Variants in TTC7A observed in about 807,000 individuals in gnomAD.
TTC7A encodes tetratricopeptide repeat protein 7A.
TTC7A carries 110 observed loss-of-function variants against 103.7 expected under a neutral mutation model. The observed-to-expected ratio is 1.06, with a 90% CI of 0.91 to 1.24. TTC7A has a LOEUF of 1.24. TTC7A is among the 50% of genes most tolerant of loss of function. The pLI is 0.00. For synonymous variants in TTC7A, 521 were observed against 467.9 expected, an observed-to-expected ratio of 1.11 and a Z score of -1.47; for missense variants, 1,340 against 1,116.3, an observed-to-expected ratio of 1.20 and a Z score of -2.86.
intron 2 of TTC7A, chr2:46,951,715 T>C (rs1402417487): frequency 4.4e-6 from 2 of 454,436 alleles, no homozygotes; most frequent in Admixed American, 4.7e-5. Flanking sequence ...CCAGCTGATT[T>C]TTAAAGAGCT....
At chr2:47,020,304 G>A (rs1679143681) in intron 11 of TTC7A, among the ~76,000 whole-genome samples, 1 of 152,210 alleles carries the variant, frequency 6.6e-6, no homozygotes, top group Non-Finnish European at 1.5e-5. Context: ...TGTGGCTTTG[G>A]CTTCAGGCCC....
chr2:47,038,764 G>A (rs1467817687), intron 15 of TTC7A, among the ~76,000 whole-genome samples: 1 of 150,930 alleles, frequency 6.6e-6, no homozygotes, highest in Non-Finnish European at 1.5e-5. Flanking sequence ...GAAGAATGGA[G>A]AGTTTCAGGA....
At chr2:47,067,736 C>T (rs1441277889) in intron 19 of TTC7A, 1 of 152,156 alleles carries the variant, frequency 6.6e-6, no homozygotes, top group African/African-American at 2.4e-5. Context: ...ATACCAAGCA[C>T]CTAGGGCTGT....
At chr2:47,023,774 G>C (rs570587519) in intron 13 of TTC7A, among the ~76,000 whole-genome samples, 3 of 152,212 alleles carry the variant, frequency 2.0e-5, no homozygotes, top group Admixed American at 6.5e-5. Context: ...AGCAGAAAAA[G>C]CACCTTGCAC....
At chr2:46,955,413 T>G (rs760029560) in intron 2 of TTC7A, among the ~76,000 whole-genome samples, 7 of 152,044 alleles carry the variant, frequency 4.6e-5, no homozygotes, top group African/African-American at 9.7e-5. Flanking sequence ...AGTTAATTAA[T>G]AGAGAGAGCA....
chr2:47,006,524 G>A (rs1372496118), intron 9 of TTC7A, 117 bp from the exon 10 acceptor site: 27 of 867,556 alleles, frequency 3.1e-5, no homozygotes, highest in East Asian at 1.3e-4. Context: ...AGCCAAGTGC[G>A]GGCCTCCTGC....
chr2:46,961,576 C>CAAATAAATAAATAAAA (rs371221013), intron 3 of TTC7A, among the ~76,000 whole-genome samples: 253 of 135,134 alleles, frequency 1.9e-3, no homozygotes, highest in African/African-American at 6.5e-3. Context: ...GACTCCATCT[C>CAAATAAATAAATAAAA]AAATAAATAA....
intron 12 of TTC7A, 26 bp from the exon 13 acceptor site, chr2:47,023,382 C>T (rs1484788856): frequency 3.1e-6 from 5 of 1,613,416 alleles, no homozygotes; most frequent in Non-Finnish European, 4.2e-6. Context: ...CCCCTGATGG[C>T]TCAGTTTCTG....
intron 17 of TTC7A, 190 bp downstream of exon 17, chr2:47,050,236 G>A: frequency 1.7e-6 from 1 of 591,262 alleles, no homozygotes. Context: ...TGGTCCCACA[G>A]TGGGCAGTGG....
At position 46,931,692 on chromosome 2, in the gene TTC7A, TAATA is replaced by T. The variant is rs10524721; in HGVS notation, c.82+14446_82+14449del. ...TGGGGGAAAAAACAAAAACAGACAA[TAATA>T]AATAAATAAATAAATAAATAAATAA... On this transcript the variant is annotated intron_variant, in intron 2 of 20. Coordinates refer to the TTC7A transcript ENST00000409245. Among the ~76,000 whole-genome samples, 1,103 of 148,632 alleles carry T rather than the reference TAATA, an allele frequency of 7.4e-3. 18 individuals are homozygous for T. The highest frequency in any genetic ancestry group is 0.025 in the Admixed American group (371 of 14,904).
intron 3 of TTC7A, among the ~76,000 whole-genome samples, chr2:46,962,152 C>T (rs535006273): frequency 1.3e-5 from 2 of 152,314 alleles, no homozygotes; most frequent in East Asian, 1.9e-4. Flanking sequence ...GAGGTCTGCT[C>T]CTGGTGTCCA....
upstream of TTC7A, among the ~76,000 whole-genome samples, chr2:46,937,270 T>A (rs1440355068): frequency 1.3e-5 from 2 of 152,248 alleles, no homozygotes; most frequent in Admixed American, 1.3e-4. The surrounding 1 kb of genome is among the most constrained non-coding windows in gnomAD (Gnocchi z 4.0). Flanking sequence ...ACCTGCTATT[T>A]CTTTTCCCCT....
At position 47,015,729 on chromosome 2, in the gene TTC7A, G is replaced by A. The variant is rs540219485; in HGVS notation, c.1392+4294G>A. Among the ~76,000 whole-genome samples the A allele has an allele frequency of 4.0e-3, 613 of 152,280 alleles. 4 individuals carry two copies. Among genetic ancestry groups the A allele is most frequent in the African/African-American group, 0.014 (566 of 41,544 alleles). On this transcript the variant is annotated intron_variant, in intron 11 of 19. Transcript: ENST00000319190. ...CTTGAAAATAGCAGGCACACAAAAA[G>A]GATGCGCCTTGATGTTTTTGACTTC...
intron 17 of TTC7A, chr2:47,050,435 C>G (rs1230526110): frequency 5.8e-6 from 1 of 173,602 alleles, no homozygotes; most frequent in Non-Finnish European, 1.2e-5. Context: ...AAGCTGAAAG[C>G]AGACTCTTTT....
rs551344506 is a variant in TTC7A, at chr2:47,029,353, A to G, written c.1771A>G (p.Met591Val). ...CCAGCATGCCCTGGATGTTGTCAAC[A>G]TGGCCATCACCGAGCACCCTGAGAA... ...HHQHALDVVNMAITEHPENFN... is the reference protein window; with the variant it reads ...HHQHALDVVNVAITEHPENFN... The change falls in exon 15 of 20, where the codon ATG (methionine) becomes GTG (valine). Residue 591 changes from methionine to valine, a missense_variant. Met to Val is a conservative substitution (Grantham distance 21). Coordinates refer to ENST00000319190, the MANE Select transcript of TTC7A (RefSeq NM_020458.4). The G allele has an allele frequency of 5.0e-6, 8 of 1,613,972 alleles. No homozygotes were observed. The South Asian group carries it at 6.6e-5, about 13-fold the overall frequency.
chr2:47,070,601 G>C (rs79729013), intron 19 of TTC7A, among the ~76,000 whole-genome samples: 3,739 of 152,284 alleles, frequency 0.025, 155 homozygotes, highest in African/African-American at 0.086. Context: ...CCTTGAGGCG[G>C]TTGTGTGGTC....
chr2:46,915,905 T>C (rs1668752153), upstream of TTC7A: 3 of 983,488 alleles, frequency 3.1e-6, no homozygotes, highest in African/African-American at 3.5e-5. Context: ...GGCGGCGGGC[T>C]GTGAGGACGG....
intron 17 of TTC7A, chr2:47,050,927 C>T (rs1682807086): frequency 6.6e-6 from 1 of 152,164 alleles, no homozygotes; most frequent in Admixed American, 6.5e-5. Flanking sequence ...TTTATTGGAG[C>T]CTTTATTGCG....
In TTC7A at chr2:47,073,960, A is replaced by G. The variant is rs1157714492; in HGVS notation, c.*37A>G. The G allele has an allele frequency of 2.1e-5, 33 of 1,564,542 alleles. No individual in the cohort carries two copies. Among genetic ancestry groups the G allele is most frequent in the Non-Finnish European group, 2.8e-5 (32 of 1,146,920 alleles). On this transcript the variant is annotated 3_prime_UTR_variant, in exon 20 of 20. Transcript: ENST00000319190. ...CCGCAGGGAGGGAGGGGCTGGCCAG[A>G]GGGAGAGGCAGCAGGGAACGTGGGT...
Sources: gnomAD v4.1 joint callset for allele counts (sites outside exome capture counted in the v4.1 genomes callset) on GRCh38, gnomAD v4.1.1 for gene constraint, Gnocchi (gnomAD v3.1) non-coding constraint, MANE v1.5 for transcripts, NCBI Gene and HGNC (gene_info 2026-07-23, HGNC 2026-07-21) for gene names.